Variants in FSTL5 observed in about 807,000 individuals in gnomAD.
The protein encoded by FSTL5 is follistatin-related protein 5.
A neutral mutation model predicts 89.1 loss-of-function variants in FSTL5; 62 were observed. That is an observed-to-expected ratio of 0.70 (90% CI 0.57 to 0.86). The LOEUF (loss-of-function observed/expected upper bound fraction) is 0.86, where lower values mean the gene tolerates loss of function less well. FSTL5 is among the 40% of genes least tolerant of loss of function. The pLI, the probability that FSTL5 is intolerant of heterozygous loss-of-function variation, is 0.00. For synonymous variants in FSTL5, 383 were observed against 346.2 expected, an observed-to-expected ratio of 1.11 and a Z score of -1.18; for missense variants, 1,057 against 1,001.6, an observed-to-expected ratio of 1.06 and a Z score of -0.75.
At chr4:161,557,318 A>G (rs529646944) in intron 8 of FSTL5, among the ~76,000 whole-genome samples, 1 of 151,630 alleles carries the variant, frequency 6.6e-6, no homozygotes, top group South Asian at 2.1e-4. Flanking sequence ...CTCATTTTTT[A>G]TTATTAAGTA....
intron 1 of FSTL5, among the ~76,000 whole-genome samples, chr4:162,139,178 T>C (rs964618013): frequency 6.6e-6 from 1 of 152,030 alleles, no homozygotes; most frequent in Non-Finnish European, 1.5e-5. Flanking sequence ...AGTGTACCCA[T>C]CAGAAAAAGA....
intron 15 of FSTL5, among the ~76,000 whole-genome samples, chr4:161,410,577 C>G (rs190667551): frequency 7.2e-5 from 11 of 152,188 alleles, no homozygotes; most frequent in Admixed American, 6.5e-4. Flanking sequence ...GAAGATCTCT[C>G]AAAATTACAT....
At chr4:161,832,262 A>C (rs139692278) in intron 4 of FSTL5, among the ~76,000 whole-genome samples, 17 of 152,164 alleles carry the variant, frequency 1.1e-4, no homozygotes, top group Admixed American at 1.1e-3. Flanking sequence ...GTACAATAGG[A>C]CAGTGCAGTG....
At chr4:161,796,727 G>T (rs1339508143) in intron 4 of FSTL5, among the ~76,000 whole-genome samples, 1 of 150,918 alleles carries the variant, frequency 6.6e-6, no homozygotes, top group Non-Finnish European at 1.5e-5. Context: ...TGCATACCTT[G>T]AATATTTTAT....
intron 1 of FSTL5, among the ~76,000 whole-genome samples, chr4:162,129,587 TAA>T (rs1732218105): frequency 1.3e-5 from 2 of 152,226 alleles, no homozygotes; most frequent in Non-Finnish European, 2.9e-5. Context: ...CCTTGCTGTG[TAA>T]TGGTGAAACT....
intron 10 of FSTL5, among the ~76,000 whole-genome samples, chr4:161,534,656 C>A (rs1731532299): frequency 6.6e-6 from 1 of 151,988 alleles, no homozygotes; most frequent in Non-Finnish European, 1.5e-5. Flanking sequence ...CTATCCAAAG[C>A]AATTTACAGA....
At chr4:161,444,575 GGCTTTAA>G (rs1284466662) in intron 15 of FSTL5, among the ~76,000 whole-genome samples, 2 of 151,676 alleles carry the variant, frequency 1.3e-5, no homozygotes, top group Non-Finnish European at 2.9e-5. Context: ...TATGAACAGT[GGCTTTAA>G]GGTAGACTTT....
intron 7 of FSTL5, among the ~76,000 whole-genome samples, chr4:161,615,254 A>G (rs1734809489): frequency 7.4e-6 from 1 of 134,546 alleles, no homozygotes; most frequent in African/African-American, 2.8e-5. Context: ...AGATTGCACC[A>G]CTGCACTCCA....
At chr4:162,054,111 AT>A (rs533725802) in intron 2 of FSTL5, among the ~76,000 whole-genome samples, 1 of 151,818 alleles carries the variant, frequency 6.6e-6, no homozygotes, top group African/African-American at 2.4e-5. Flanking sequence ...ATACACCTAC[AT>A]CAATCTTAGG....
chr4:162,124,897 T>A (rs376844946), intron 1 of FSTL5, among the ~76,000 whole-genome samples: 2 of 151,972 alleles, frequency 1.3e-5, no homozygotes, highest in Non-Finnish European at 2.9e-5. Flanking sequence ...TAGAGACGGG[T>A]TTTCACCGTG....
intron 7 of FSTL5, among the ~76,000 whole-genome samples, chr4:161,598,514 T>C (rs1400876476): frequency 6.6e-6 from 1 of 152,130 alleles, no homozygotes; most frequent in Non-Finnish European, 1.5e-5. Flanking sequence ...CAAAGATGAT[T>C]TGCCTCTATC....
chr4:161,885,414 C>CA (rs368308463), intron 4 of FSTL5, among the ~76,000 whole-genome samples: 2,197 of 150,982 alleles, frequency 0.015, 60 homozygotes, highest in African/African-American at 0.05. Context: ...CATACAATGG[C>CA]AAAAAAAAGC....
At chr4:162,071,013 C>T (rs966988211) in intron 2 of FSTL5, among the ~76,000 whole-genome samples, 3 of 151,212 alleles carry the variant, frequency 2.0e-5, no homozygotes, top group Non-Finnish European at 4.4e-5. Context: ...AGAAAGGAAT[C>T]GAATCTGATA....
chr4:161,824,668 A>T (rs1730610576), intron 4 of FSTL5, among the ~76,000 whole-genome samples: 1 of 152,112 alleles, frequency 6.6e-6, no homozygotes, highest in Admixed American at 6.5e-5. Context: ...GGTTAGGTAT[A>T]TTCCTAATTA....
At chr4:162,069,450 ATAGTCAACCCACAGTT>A (rs1278734400) in intron 2 of FSTL5, among the ~76,000 whole-genome samples, 2 of 151,930 alleles carry the variant, frequency 1.3e-5, no homozygotes, top group African/African-American at 4.8e-5. Flanking sequence ...ATTGTTAACT[ATAGTCAACCCACAGTT>A]CTGAAGAACA....
chr4:161,801,583 T>G (rs1729794674), intron 4 of FSTL5, among the ~76,000 whole-genome samples: 1 of 151,502 alleles, frequency 6.6e-6, no homozygotes, highest in Non-Finnish European at 1.5e-5. Context: ...ATCTCTTATC[T>G]CTTATGTAGC....
At chr4:161,621,367 T>G (rs146562451) in intron 7 of FSTL5, among the ~76,000 whole-genome samples, 212 of 151,776 alleles carry the variant, frequency 1.4e-3, no homozygotes, top group African/African-American at 4.8e-3. Flanking sequence ...TATGTCAAAC[T>G]AAATAATCAT....
rs564027074 is a variant in FSTL5, at chr4:162,031,929, C to G, written c.160+1696G>C. ...CTCCAGCCTGGGCAACAGAGCGAGA[C>G]TCCATGTCAAAAAAAGAAAAAAGTT... is the stretch of plus-strand genomic sequence containing the variant. On this transcript the variant is annotated intron_variant, in intron 3 of 15. Transcript: ENST00000306100. 9.2e-5 allele frequency among the ~76,000 whole-genome samples: 14 copies of G among 152,104 alleles called. No homozygotes were observed. In the South Asian group the frequency reaches 2.9e-3, roughly 32 times the overall value.
At chr4:161,429,186 T>C (rs1732268191) in intron 15 of FSTL5, among the ~76,000 whole-genome samples, 1 of 151,918 alleles carries the variant, frequency 6.6e-6, no homozygotes. Flanking sequence ...GATGGCAGCT[T>C]AGTTGCAGTA....
Sources: allele counts gnomAD v4.1 joint callset (sites outside exome capture counted in the v4.1 genomes callset), GRCh38; gene constraint gnomAD v4.1.1; transcripts MANE v1.5; gene names NCBI Gene and HGNC (gene_info 2026-07-23, HGNC 2026-07-21).